Variants in BTNL9 observed in about 807,000 individuals in gnomAD.
The protein encoded by BTNL9 is butyrophilin like 9, also known as butyrophilin-like protein 9.
A neutral mutation model predicts 45.8 loss-of-function variants in BTNL9; 45 were observed. The ratio of observed to expected loss-of-function variants is 0.98; its 90% CI spans 0.77 to 1.26. BTNL9 has a LOEUF of 1.26. BTNL9 is among the 50% of genes most tolerant of loss of function. The probability of loss-of-function intolerance (pLI) is 0.00; values close to 1 mark genes in which losing one functional copy is unlikely to be tolerated. For missense variants in BTNL9, 784 were observed against 729.7 expected (o/e 1.07, Z -0.86); for synonymous variants, 346 against 330.8 (o/e 1.05, Z -0.50).
chr5:181,048,579 A>AC (rs1168470064), intron 3 of BTNL9, among the ~76,000 whole-genome samples: 1 of 151,090 alleles, frequency 6.6e-6, no homozygotes, highest in Non-Finnish European at 1.5e-5. Flanking sequence ...ACATAGGGAG[A>AC]CCCCATCTCT....
rs1184256555 is a variant in BTNL9, at chr5:181,053,590, T to G, written c.886+89T>G. ...GGCTGTGGGTCCCGTTACGAGGGTT[T>G]ATTCCAGCGCGAGGTGTCAGGGCGG... On this transcript the variant is annotated intron_variant, in intron 6 of 10. Coordinates refer to ENST00000327705, the MANE Select transcript of BTNL9 (RefSeq NM_152547.5). The surrounding 1 kb of genome is among the most constrained non-coding windows in gnomAD (Gnocchi z 6.5). The G allele has an allele frequency of 3.9e-6, 6 of 1,549,962 alleles. No individual in the cohort carries two copies. In the South Asian group the frequency reaches 7.1e-5, roughly 18 times the overall value.
In BTNL9 at chr5:181,053,539, A is replaced by G; in HGVS notation, c.886+38A>G. The G allele has an allele frequency of 6.4e-7, 1 of 1,559,154 alleles. No individual in the cohort carries two copies. The highest frequency in any genetic ancestry group is 8.7e-7 in the Non-Finnish European group (1 of 1,151,228). The stretch of plus-strand genomic sequence containing the variant: ...AGGGCGTTCTGCACGCACCTGCCCA[A>G]GTGCCAAAACCCGCCGTCATCTAAA... On this transcript the variant is annotated intron_variant, in intron 6 of 10. Coordinates refer to ENST00000327705, the MANE Select transcript of BTNL9 (RefSeq NM_152547.5). The surrounding 1 kb of genome is among the most constrained non-coding windows in gnomAD (Gnocchi z 6.5).
chr5:181,061,309 T>C lies in BTNL9; in HGVS notation c.*1447T>C, dbSNP rs1762127207. 1 of 152,220 alleles carries C rather than the reference T, an allele frequency of 6.6e-6. No homozygotes were observed. The highest frequency in any genetic ancestry group is 1.5e-5 in the Non-Finnish European group (1 of 68,034). The allele number at this position is 152,220 out of a possible 1,614,324, so 9.4% of individuals were successfully genotyped here. ...TAGGTGACTGGTCGACAGATGTTCA[T>C]TGTACTATCAATGTGGCTTTGCTGT... On this transcript the variant is annotated 3_prime_UTR_variant, in exon 11 of 11. Coordinates refer to ENST00000327705, the MANE Select transcript of BTNL9 (RefSeq NM_152547.5).
rs1213152139 is a variant in BTNL9 at position 181,045,481 on chromosome 5, T to TG, written c.-8dup. ...TCCCTCTCCAGGTGGCCCCCACTGC[T>TG]GACGAGAGATGGTGGACCTCTCAGT... On this transcript the variant is annotated 5_prime_UTR_variant, in exon 2 of 11. Transcript: ENST00000327705. 6.3e-7 allele frequency: 1 copy of TG among 1,588,446 alleles called. No homozygotes were observed. Among genetic ancestry groups the TG allele is most frequent in the Non-Finnish European group, 8.6e-7 (1 of 1,157,238 alleles).
intron 7 of BTNL9, chr5:181,054,583 G>A (rs956078290): frequency 1.0e-6 from 1 of 985,450 alleles, no homozygotes. Flanking sequence ...GCACTAGGAA[G>A]GGTGGCACCT....
At position 181,050,111 on chromosome 5, in the gene BTNL9, T is replaced by A; in HGVS notation, c.478T>A (p.Ser160Thr). The A allele has an allele frequency of 6.2e-7, 1 of 1,613,858 alleles. No individual in the cohort carries two copies. Among genetic ancestry groups the A allele is most frequent in the Non-Finnish European group, 8.5e-7 (1 of 1,179,976 alleles). The change falls in exon 4 of 11, where the codon TCC becomes ACC. Residue 160 changes from serine (S) to threonine (T), a missense_variant. Transcript: ENST00000327705. The surrounding 1 kb of genome is among the most constrained non-coding windows in gnomAD (Gnocchi z 4.9). ...AGGGCTGGGCTCAGACCCTCACCTC[T>A]CCCTTGAGGGCTTCAAGGAAGGAGG... ...VAGLGSDPHL[S>T]LEGFKEGGIQ...
intron 2 of BTNL9, chr5:181,047,575 C>A: frequency 1.1e-6 from 1 of 897,524 alleles, no homozygotes; most frequent in Non-Finnish European, 1.4e-6. Context: ...TAATATTCTA[C>A]AGATTATTTT....
At chr5:181,045,439 G>T (rs184114719) in intron 1 of BTNL9, 28 bp from the exon 2 acceptor site, 2 of 1,228,178 alleles carry the variant, frequency 1.6e-6, no homozygotes, top group Non-Finnish European at 2.4e-6. Flanking sequence ...TTTGCACGTC[G>T]CTCCAGCACC....
intron 9 of BTNL9, among the ~76,000 whole-genome samples, chr5:181,058,129 A>G (rs1240788629): frequency 6.6e-6 from 1 of 152,214 alleles, no homozygotes; most frequent in African/African-American, 2.4e-5. Context: ...TTCAGCCTGC[A>G]CGTAGCTCTG....
intron 1 of BTNL9, chr5:181,043,493 A>G (rs886778574): frequency 6.6e-6 from 1 of 152,250 alleles, no homozygotes; most frequent in Middle Eastern, 3.1e-3. Flanking sequence ...TTCTGTGAGA[A>G]GGCCAGCTGT....
In BTNL9 at chr5:181,057,008, CTGTGTGTG is replaced by C. The variant is rs55829278; in HGVS notation, c.955+1022_955+1029del. ...TATTATTAACAGGAATATTATATAT[CTGTGTGTG>C]TGTGTGTGTGTGTGTGTGTGTGTGT... is the stretch of plus-strand genomic sequence containing the variant. On this transcript the variant is annotated intron_variant, in intron 9 of 10. Coordinates refer to ENST00000327705, the MANE Select transcript of BTNL9 (RefSeq NM_152547.5). The C allele has an allele frequency of 6.1e-3, 988 of 161,638 alleles. 6 individuals carry two copies. The highest frequency in any genetic ancestry group is 9.3e-3 in the South Asian group (57 of 6,156). 10.0% of individuals were successfully genotyped at this position (161,638 alleles called of 1,614,324 possible). A position where few individuals can be genotyped will look rare whatever the true frequency, so the allele number is the denominator to read the frequency against.
In BTNL9 at chr5:181,059,678, A is replaced by T; in HGVS notation, c.1424A>T (p.His475Leu). ...VSDGSHIFTF[H>L]DTFSGALCAY... ...GACGGCTCCCACATCTTCACCTTCC[A>T]CGACACCTTCTCGGGCGCGCTCTGT... The change falls in exon 11 of 11, where the codon CAC becomes CTC. Residue 475 changes from histidine (H) to leucine (L), a missense_variant. Transcript: ENST00000327705. The T allele has an allele frequency of 6.2e-7, 1 of 1,613,426 alleles. No homozygotes were observed. Among genetic ancestry groups the T allele is most frequent in the Admixed American group, 1.7e-5 (1 of 60,018 alleles).
At chr5:181,052,654 C>A (rs1761606868) in intron 4 of BTNL9, 1 of 152,256 alleles carries the variant, frequency 6.6e-6, no homozygotes, top group African/African-American at 2.4e-5. Flanking sequence ...TCGGCGCTGC[C>A]CCCGGCCACG....
rs1582144775 is a variant in BTNL9, at chr5:181,055,049, C to T, written c.908-384C>T. On this transcript the variant is annotated intron_variant, in intron 7 of 10. Transcript: ENST00000327705. This position sits in a 1 kb window ranked among gnomAD's most constrained non-coding sequence, Gnocchi z 4.4. ...CCTTCCAGTCCTTCAGATAACGCAC[C>T]CGGTGAGTGACCGTGAGGCTCACGT... 1 of 985,314 alleles carries T rather than the reference C, an allele frequency of 1.0e-6. No homozygotes were observed. Among genetic ancestry groups the T allele is most frequent in the South Asian group, 4.7e-5 (1 of 21,280 alleles). The allele number at this position is 985,314 out of a possible 1,614,324, so 61.0% of individuals were successfully genotyped here.
Position 181,055,452 on chromosome 5 carries a change from T to A in BTNL9, c.927T>A (p.Leu309=). ...TTGCAGAAAAGCTTCAGACAGAGCT[T>A]GGTAAGTGACCCCTCTTAGAACTAT... ...TAELEKLQTE[L]DWRRAEGQAE... The change falls in exon 8 of 11, where the codon CTT becomes CTA. Residue 309 remains leucine, a splice_region_variant and synonymous_variant. Transcript: ENST00000327705. This position sits in a 1 kb window ranked among gnomAD's most constrained non-coding sequence, Gnocchi z 4.4. 6.2e-7 allele frequency: 1 copy of A among 1,614,130 alleles called. No homozygotes were observed. The highest frequency in any genetic ancestry group is 8.5e-7 in the Non-Finnish European group (1 of 1,180,024).
intron 9 of BTNL9, chr5:181,056,806 T>C (rs1305470472): frequency 1.8e-6 from 1 of 560,254 alleles, no homozygotes; most frequent in East Asian, 3.0e-5. Context: ...GAACCAGCAT[T>C]CCAAGTTTGC....
rs955583320 is a variant in BTNL9 at position 181,059,293 on chromosome 5, G to C, written c.1039G>C (p.Gly347Arg). 2.5e-6 allele frequency: 4 copies of C among 1,571,948 alleles called. No homozygotes were observed. The African/African-American group carries it at 4.0e-5, about 16-fold the overall frequency. Residue 347 changes from glycine to arginine, a missense_variant, in exon 11 of 11, where the codon GGC becomes CGC. Coordinates refer to ENST00000327705, the MANE Select transcript of BTNL9 (RefSeq NM_152547.5). ...CCCCAGCCTGGAGGTGTCGGAGGAT[G>C]GCAAGAGCGTGTCTTCCCGCGGGGC... ...AHPSLEVSEDGKSVSSRGAPP... is the reference protein window; with the variant it reads ...AHPSLEVSEDRKSVSSRGAPP...
intron 6 of BTNL9, chr5:181,054,018 TG>T: frequency 6.5e-7 from 1 of 1,541,182 alleles, no homozygotes; most frequent in South Asian, 1.2e-5. Flanking sequence ...GGGAGGGCGC[TG>T]GGTCACCCTC....
At chr5:181,057,959 C>G (rs1222082584) in intron 9 of BTNL9, among the ~76,000 whole-genome samples, 1 of 152,184 alleles carries the variant, frequency 6.6e-6, no homozygotes, top group African/African-American at 2.4e-5. Flanking sequence ...GACAGGACAT[C>G]TGGAGGGCAT....
Sources: gnomAD v4.1 joint callset for allele counts (sites outside exome capture counted in the v4.1 genomes callset) on GRCh38, gnomAD v4.1.1 for gene constraint, Gnocchi (gnomAD v3.1) non-coding constraint, MANE v1.5 for transcripts, NCBI Gene and HGNC (gene_info 2026-07-23, HGNC 2026-07-21) for gene names.